Variants in CHST15 observed in about 807,000 individuals in gnomAD.
The protein encoded by CHST15 is B cell RAG associated protein (GALNAC4S-6ST).
A neutral mutation model predicts 53.6 loss-of-function variants in CHST15; 30 were observed. That is an observed-to-expected ratio of 0.56 (90% confidence interval 0.42 to 0.76). The LOEUF (loss-of-function observed/expected upper bound fraction) is 0.76. CHST15 is among the 30% of genes least tolerant of loss of function. The pLI is 0.00. For synonymous variants in CHST15, 296 were observed against 289.8 expected, an observed-to-expected ratio of 1.02 and a Z score of -0.22; for missense variants, 627 against 740.5, an observed-to-expected ratio of 0.85 and a Z score of 1.78.
intron 1 of CHST15, among the ~76,000 whole-genome samples, chr10:124,063,213 T>A (rs534618805): frequency 6.6e-6 from 1 of 152,204 alleles, no homozygotes; most frequent in Non-Finnish European, 1.5e-5. Context: ...TGAAACCCCA[T>A]CTCTACTAAA....
chr10:124,083,238 C>T (rs982656178), intron 1 of CHST15, among the ~76,000 whole-genome samples: 6 of 152,124 alleles, frequency 3.9e-5, no homozygotes, highest in African/African-American at 9.7e-5. Flanking sequence ...AGTGATCCAG[C>T]GGGTGACTTC....
rs769225617 is a variant in CHST15 at position 124,046,039 on chromosome 10, G to A, written c.174C>T (p.Leu58=). ...TTTCGTTCCCTTCAGTCCTCACTTC[G>A]AGAACAGCAAGCAAGTTCATCTGCT... ...DSKQMNLLAV[L]EVRTEGNENW... is the part of the protein sequence containing the mutation. Residue 58 remains leucine (L), a synonymous_variant, in exon 2 of 8, where the codon CTC becomes CTT. Transcript: ENST00000435907. 7.4e-6 allele frequency: 12 copies of A among 1,614,002 alleles called. No individual in the cohort carries two copies. The highest frequency in any genetic ancestry group is 6.7e-5 in the Admixed American group (4 of 59,996).
chr10:124,092,831 A>T (rs577178627), intron 1 of CHST15, among the ~76,000 whole-genome samples: 1 of 152,330 alleles, frequency 6.6e-6, no homozygotes, highest in East Asian at 1.9e-4. Context: ...CCGTGAAAGC[A>T]CTGGTCTGTC....
At chr10:124,056,226 C>G (rs964738707) in intron 1 of CHST15, among the ~76,000 whole-genome samples, 1 of 152,176 alleles carries the variant, frequency 6.6e-6, no homozygotes, top group Admixed American at 6.5e-5. Flanking sequence ...TGCCCTTCCC[C>G]CTTCCAATCT....
chr10:124,021,624 A>G (rs1283069626), intron 5 of CHST15, among the ~76,000 whole-genome samples: 1 of 152,036 alleles, frequency 6.6e-6, no homozygotes, highest in East Asian at 1.9e-4. Context: ...AGACCCAGAC[A>G]TGTCTATACT....
At chr10:124,070,390 T>A (rs112857264) in intron 1 of CHST15, among the ~76,000 whole-genome samples, 3,522 of 152,268 alleles carry the variant, frequency 0.023, 135 homozygotes, top group African/African-American at 0.08. Flanking sequence ...TTGTTTTGTT[T>A]TTGTTTTGAC....
chr10:124,020,924 T>G, intron 6 of CHST15: 3 of 1,377,180 alleles, frequency 2.2e-6, no homozygotes, highest in South Asian at 3.7e-5. Context: ...CTTAAGACAA[T>G]TTGAGAGTTG....
At chr10:124,022,811 C>CTTT (rs924775599) in intron 5 of CHST15, among the ~76,000 whole-genome samples, 296 of 100,426 alleles carry the variant, frequency 2.9e-3, no homozygotes, top group African/African-American at 3.5e-3. Flanking sequence ...CTTGGCATTT[C>CTTT]TTTTTTTTTT....
intron 1 of CHST15, among the ~76,000 whole-genome samples, chr10:124,083,861 G>A (rs1245540599): frequency 3.9e-5 from 6 of 152,168 alleles, no homozygotes; most frequent in African/African-American, 7.2e-5. Flanking sequence ...AAACTGTGAC[G>A]GATGATGAGA....
At chr10:124,020,030 G>T in intron 6 of CHST15, 1 of 985,716 alleles carries the variant, frequency 1.0e-6, no homozygotes, top group Non-Finnish European at 1.2e-6. Flanking sequence ...TGGTTCTCTG[G>T]TGGCCAGAGC....
chr10:124,009,114 G>A lies in CHST15; in HGVS notation c.*1035C>T. 3.2e-6 allele frequency: 4 copies of A among 1,257,578 alleles called. No individual in the cohort carries two copies. The South Asian group carries it at 5.1e-5, about 16-fold the overall frequency. The allele number at this position is 1,257,578 out of a possible 1,614,324, so 77.9% of individuals were successfully genotyped here. A position where few individuals can be genotyped will look rare whatever the true frequency, so the allele number is the denominator to read the frequency against. On this transcript the variant is annotated 3_prime_UTR_variant, in exon 8 of 8. Coordinates refer to ENST00000435907, the MANE Select transcript of CHST15 (RefSeq NM_001270764.2). ...TGTGGAAATAAACTATTTCCAATGG[G>A]AAGGCAGAGAAATGGAGCCTGTAGC...
At chr10:124,085,013 T>C (rs1949373291) in intron 1 of CHST15, among the ~76,000 whole-genome samples, 1 of 152,224 alleles carries the variant, frequency 6.6e-6, no homozygotes. Context: ...CTTGTAATCC[T>C]GGCGGTTCCT....
chr10:124,082,634 T>G (rs1949284139), intron 1 of CHST15, among the ~76,000 whole-genome samples: 1 of 152,234 alleles, frequency 6.6e-6, no homozygotes, highest in Non-Finnish European at 1.5e-5. Flanking sequence ...TATGGCCGCC[T>G]CATTCATAAG....
In CHST15 at chr10:124,061,277, G is replaced by A. The variant is rs116586292; in HGVS notation, c.-512-14553C>T. ...ACGTGTTGTGGGAGGGACCCAGGAG[G>A]AGGTAATTGACTCATGGGGGCCGGT... On this transcript the variant is annotated intron_variant, in intron 1 of 7. Transcript: ENST00000435907. 5.4e-3 allele frequency among the ~76,000 whole-genome samples: 827 copies of A among 152,304 alleles called. 6 individuals carry two copies. The highest frequency in any genetic ancestry group is 0.019 in the African/African-American group (783 of 41,558).
intron 1 of CHST15, among the ~76,000 whole-genome samples, chr10:124,084,785 C>T (rs1294043518): frequency 2.0e-5 from 3 of 152,326 alleles, no homozygotes; most frequent in South Asian, 2.1e-4. Context: ...CGTCTGGTTA[C>T]GTGACACAGA....
At chr10:124,056,843 A>G (rs560116731) in intron 1 of CHST15, among the ~76,000 whole-genome samples, 29 of 152,100 alleles carry the variant, frequency 1.9e-4, no homozygotes, top group African/African-American at 7.0e-4. Context: ...GACCGGACAC[A>G]CTTTGACCCA....
chr10:124,010,608 C>T (rs879727600), intron 7 of CHST15: 5 of 985,396 alleles, frequency 5.1e-6, no homozygotes, highest in Non-Finnish European at 6.0e-6. Context: ...GATGATACAG[C>T]GTCTAAGGCT....
chr10:124,068,551 T>C (rs1410047321), intron 1 of CHST15, among the ~76,000 whole-genome samples: 1 of 152,222 alleles, frequency 6.6e-6, no homozygotes, highest in Admixed American at 6.5e-5. Context: ...ACTTCCACAT[T>C]TTATTCCAGC....
At chr10:124,048,949 C>T (rs1276846396) in intron 1 of CHST15, among the ~76,000 whole-genome samples, 3 of 152,072 alleles carry the variant, frequency 2.0e-5, no homozygotes, top group Non-Finnish European at 4.4e-5. Flanking sequence ...ATGGGGTGCC[C>T]GGACCGGGTC....
Sources: gnomAD v4.1 joint callset for allele counts (sites outside exome capture counted in the v4.1 genomes callset) on GRCh38, gnomAD v4.1.1 for gene constraint, MANE v1.5 for transcripts, NCBI Gene and HGNC (gene_info 2026-07-23, HGNC 2026-07-21) for gene names.